Variants in GSDME observed in about 807,000 individuals in gnomAD.
GSDME encodes gasdermin-E.
GSDME carries 44 observed loss-of-function variants against 47.5 expected under a neutral mutation model. The ratio of observed to expected loss-of-function variants is 0.93; its 90% CI spans 0.73 to 1.19. The LOEUF (loss-of-function observed/expected upper bound fraction) is 1.19, where lower values mean the gene tolerates loss of function less well. Among genes scored for constraint, GSDME ranks in the 50% most tolerant of loss-of-function variants. The pLI, the probability that GSDME is intolerant of heterozygous loss-of-function variation, is 0.00. For synonymous variants in GSDME, 258 were observed against 252.8 expected (o/e 1.02, Z -0.20); for missense variants, 663 against 604.2 (o/e 1.10, Z -1.02).
chr7:24,782,270 A>T, the GSDME span, among the ~76,000 whole-genome samples: 2 of 137,224 alleles, frequency 1.5e-5, no homozygotes, highest in Non-Finnish European at 3.0e-5. Flanking sequence ...CCTATGTCCA[A>T]GTGTTCTCAT....
At chr7:24,709,873 C>T (rs1789277728) in intron 6 of GSDME, among the ~76,000 whole-genome samples, 1 of 152,082 alleles carries the variant, frequency 6.6e-6, no homozygotes, top group South Asian at 2.1e-4. Flanking sequence ...ACGGGTTCTC[C>T]ATCCTCGCGG....
At position 24,745,420 on chromosome 7, in the gene GSDME, T is replaced by A. The variant is rs1790638969; in HGVS notation, c.212-666A>T. 6.6e-6 allele frequency among the ~76,000 whole-genome samples: 1 copy of A among 152,172 alleles called. No individual in the cohort carries two copies. The highest frequency in any genetic ancestry group is 1.5e-5 in the Non-Finnish European group (1 of 68,022). On this transcript the variant is annotated intron_variant, in intron 2 of 9. Transcript: ENST00000645220. This position sits in a 1 kb window ranked among gnomAD's most constrained non-coding sequence, Gnocchi z 4.4. ...AGTCAAATTATTCCCTTCCCATATT[T>A]ATGATTCTCTCTCTGACCTCTACCC...
chr7:24,702,853 C>G lies in GSDME; in HGVS notation c.1184-20G>C. 1 of 1,609,134 alleles carries G rather than the reference C, an allele frequency of 6.2e-7. No individual in the cohort carries two copies. Among genetic ancestry groups the G allele is most frequent in the Non-Finnish European group, 8.5e-7 (1 of 1,176,800 alleles). On this transcript the variant is annotated intron_variant, in intron 8 of 9. Transcript: ENST00000645220. Reference sequence around the variant, plus strand: ...GCATTTCTGCAGGAGAGAAAAATCACAGTCACAGTCCAAAAAAACAAGTCC... The same window carrying G: ...GCATTTCTGCAGGAGAGAAAAATCAGAGTCACAGTCCAAAAAAACAAGTCC...
the GSDME span, among the ~76,000 whole-genome samples, chr7:24,787,895 C>CG: frequency 1.3e-5 from 2 of 151,970 alleles, no homozygotes; most frequent in African/African-American, 4.8e-5. This position sits in a 1 kb window ranked among gnomAD's most constrained non-coding sequence, Gnocchi z 5.0. Context: ...TTAGTAGAGA[C>CG]GGGGTTTCAC....
intron 9 of GSDME, among the ~76,000 whole-genome samples, chr7:24,700,303 A>G (rs1788813198): frequency 1.3e-5 from 2 of 152,170 alleles, no homozygotes; most frequent in South Asian, 4.1e-4. Context: ...TGCTCAACAC[A>G]TACTTGAAAT....
At chr7:24,761,980 G>A (rs1030644111), upstream of GSDME, among the ~76,000 whole-genome samples, 4 of 152,146 alleles carry the variant, frequency 2.6e-5, no homozygotes, top group Non-Finnish European at 2.9e-5. The surrounding 1 kb of genome is among the most constrained non-coding windows in gnomAD (Gnocchi z 4.4). Context: ...CAGGATAGGC[G>A]CAGTGGCTTC....
rs1016874567 is a variant in GSDME, at chr7:24,724,007, G to A, written c.405-4789C>T. ...CTTGTCCTGATTTCTTTCCTCTCGG[G>A]CCCTGTGAGAGCCACTGAGCAACAC... On this transcript the variant is annotated intron_variant, in intron 3 of 9. Coordinates refer to ENST00000645220, the MANE Select transcript of GSDME (RefSeq NM_001127453.2). The surrounding 1 kb of genome is among the most constrained non-coding windows in gnomAD (Gnocchi z 4.8). Among the ~76,000 whole-genome samples, 1 of 151,994 alleles carries A rather than the reference G, an allele frequency of 6.6e-6. No homozygotes were observed. Among genetic ancestry groups the A allele is most frequent in the East Asian group, 1.9e-4 (1 of 5,192 alleles).
chr7:24,702,397 C>G (rs1788905537), intron 9 of GSDME: 1 of 356,594 alleles, frequency 2.8e-6, no homozygotes, highest in East Asian at 7.3e-5. Context: ...TCAAACCAGT[C>G]TTAGCACAAA....
In GSDME at chr7:24,721,117, G is replaced by C. The variant is rs1789766189; in HGVS notation, c.405-1899C>G. Among the ~76,000 whole-genome samples, 1 of 151,892 alleles carries C rather than the reference G, an allele frequency of 6.6e-6. No individual in the cohort carries two copies. The highest frequency in any genetic ancestry group is 1.9e-4 in the East Asian group (1 of 5,184). On this transcript the variant is annotated intron_variant, in intron 3 of 9. Transcript: ENST00000645220. This position sits in a 1 kb window ranked among gnomAD's most constrained non-coding sequence, Gnocchi z 4.1. Reference sequence around the variant, plus strand: ...GGCTTCGCTGCCTGATGGCTGCAGAGTTCCTAGTTGAGGTGACGAAGAAGT... The same window carrying C: ...GGCTTCGCTGCCTGATGGCTGCAGACTTCCTAGTTGAGGTGACGAAGAAGT...
chr7:24,723,199 G>C (rs1789853594), intron 3 of GSDME, among the ~76,000 whole-genome samples: 1 of 152,220 alleles, frequency 6.6e-6, no homozygotes, highest in Non-Finnish European at 1.5e-5. Flanking sequence ...CACAGGGACA[G>C]CGGGGAAGCT....
chr7:24,740,658 A>G (rs1349968163), intron 3 of GSDME, among the ~76,000 whole-genome samples: 3 of 152,046 alleles, frequency 2.0e-5, no homozygotes, highest in Non-Finnish European at 4.4e-5. Context: ...ATGTATATAT[A>G]TTTACGTAAA....
At chr7:24,794,899 T>G in the GSDME span, among the ~76,000 whole-genome samples, 2 of 152,166 alleles carry the variant, frequency 1.3e-5, no homozygotes, top group African/African-American at 4.8e-5. Flanking sequence ...TCAAGCAATT[T>G]GAGCCAAGTC....
chr7:24,778,932 C>T, the GSDME span, among the ~76,000 whole-genome samples: 1 of 152,162 alleles, frequency 6.6e-6, no homozygotes, highest in South Asian at 2.1e-4. This position sits in a 1 kb window ranked among gnomAD's most constrained non-coding sequence, Gnocchi z 5.6. Context: ...TAGTACTGAA[C>T]AGATAAACCT....
chr7:24,708,829 C>G (rs1431795180), intron 6 of GSDME, among the ~76,000 whole-genome samples: 1 of 152,224 alleles, frequency 6.6e-6, no homozygotes, highest in East Asian at 1.9e-4. Flanking sequence ...CACTGAGTCC[C>G]CGAAGCTATT....
In GSDME at chr7:24,712,561, G is replaced by A. The variant is rs1021821949; in HGVS notation, c.698-2173C>T. On this transcript the variant is annotated intron_variant, in intron 5 of 9. Coordinates refer to ENST00000645220, the MANE Select transcript of GSDME (RefSeq NM_001127453.2). The surrounding 1 kb of genome is among the most constrained non-coding windows in gnomAD (Gnocchi z 4.4). The stretch of plus-strand genomic sequence containing the variant: ...ACCAGGCCCCGTGCTCACAGCCACA[G>A]ATACAAAGGACTACAACCAGGCCTT... Among the ~76,000 whole-genome samples the A allele has an allele frequency of 2.0e-5, 3 of 152,210 alleles. No homozygotes were observed. The highest frequency in any genetic ancestry group is 7.2e-5 in the African/African-American group (3 of 41,452).
chr7:24,790,986 T>A, the GSDME span, among the ~76,000 whole-genome samples: 3 of 152,330 alleles, frequency 2.0e-5, no homozygotes, highest in East Asian at 3.9e-4. This position sits in a 1 kb window ranked among gnomAD's most constrained non-coding sequence, Gnocchi z 4.1. Context: ...AGTTTCCTCA[T>A]GCTTTGGCCA....
rs1477701297 is a variant in GSDME, at chr7:24,749,736, A to T, written c.39T>A (p.Val13=). ...CTGCAATCAGGTCACCATCAGCATC[A>T]ACTTCTCTAAGAAAATTCCTGGTTG... ...AKATRNFLRE[V]DADGDLIAVS... is the part of the protein sequence containing the mutation. Residue 13 remains valine, a synonymous_variant, in exon 2 of 10, where the codon GTT becomes GTA. Coordinates refer to ENST00000645220, the MANE Select transcript of GSDME (RefSeq NM_001127453.2). The T allele has an allele frequency of 6.2e-6, 10 of 1,614,188 alleles. No homozygotes were observed. Among genetic ancestry groups the T allele is most frequent in the Non-Finnish European group, 8.5e-6 (10 of 1,180,024 alleles).
rs1584089064 is a variant in GSDME, at chr7:24,733,214, C to T, written c.404+11348G>A. ...CCTTAAGGGAAGGATGCAGTTGTGA[C>T]AGGATTCTTGTTCTTCTGACTAAAG... On this transcript the variant is annotated intron_variant, in intron 3 of 9. Transcript: ENST00000645220. This position sits in a 1 kb window ranked among gnomAD's most constrained non-coding sequence, Gnocchi z 4.3. Among the ~76,000 whole-genome samples the T allele has an allele frequency of 2.0e-5, 3 of 152,088 alleles. No homozygotes were observed. The South Asian group carries it at 6.2e-4, about 32-fold the overall frequency.
At chr7:24,730,678 G>A (rs1790114788) in intron 3 of GSDME, among the ~76,000 whole-genome samples, 1 of 152,114 alleles carries the variant, frequency 6.6e-6, no homozygotes, top group Non-Finnish European at 1.5e-5. Flanking sequence ...AGCTGGGCGT[G>A]GTGGCACGCA....
Sources: allele counts gnomAD v4.1 joint callset (sites outside exome capture counted in the v4.1 genomes callset), GRCh38; gene constraint gnomAD v4.1.1; non-coding constraint Gnocchi (gnomAD v3.1); transcripts MANE v1.5; gene names NCBI Gene and HGNC (gene_info 2026-07-23, HGNC 2026-07-21).